The following CIBAR2 variants were observed in gnomAD, a reference collection of about 807,000 sequenced individuals.
The protein encoded by CIBAR2 is CBY1-interacting BAR domain-containing protein 2.
Under a neutral mutation model 36.2 loss-of-function variants are expected in CIBAR2, and 38 were observed. The ratio of observed to expected loss-of-function variants is 1.05; its 90% confidence interval spans 0.81 to 1.38. The LOEUF is 1.38. Ranked by LOEUF, CIBAR2 falls within the 40% of genes most tolerant of loss-of-function variation. The pLI is 0.00. For synonymous variants in CIBAR2, 182 were observed against 149.5 expected, an observed-to-expected ratio of 1.22 and a Z score of -1.58; for missense variants, 481 against 383.4, an observed-to-expected ratio of 1.25 and a Z score of -2.13.
intron 7 of CIBAR2, among the ~76,000 whole-genome samples, chr16:85,100,971 T>C (rs1425891595): frequency 8.0e-5 from 12 of 150,696 alleles, no homozygotes; most frequent in Admixed American, 7.9e-4. Flanking sequence ...GGCTTGAACC[T>C]GGGAGGCGGA....
rs2074008816 is a variant in CIBAR2, at chr16:85,107,867, T to C, written c.405A>G (p.Ser135=). 6.2e-7 allele frequency: 1 copy of C among 1,613,786 alleles called. No individual in the cohort carries two copies. The highest frequency in any genetic ancestry group is 1.3e-5 in the African/African-American group (1 of 74,906). ...LEKLEKLRQK[S]PSDQQMISQA... is the part of the protein sequence containing the mutation. ...ATACGATCATTTGCTGATCCGAGGG[T>C]GACTTCTGCCTCAGTTTCTCCAGTT... Residue 135 remains serine (S), a synonymous_variant, in exon 4 of 9, where the codon TCA becomes TCG. Transcript: ENST00000539556.
rs2073987258 is a variant in CIBAR2, at chr16:85,105,335, C to A, written c.529G>T (p.Asp177Tyr). The change falls in exon 6 of 9, where the codon GAC becomes TAC. Residue 177 changes from aspartate (D) to tyrosine (Y), a missense_variant. By Grantham distance (160) the Asp-to-Tyr change is radical (BLOSUM62 -3). Coordinates refer to ENST00000539556, the MANE Select transcript of CIBAR2 (RefSeq NM_198491.3). The stretch of plus-strand genomic sequence containing the variant: ...CGGCCAACCACCCTCACCTGCAGGT[C>A]CTTGAGCTTCTGCCTCTGGAAGCCA... ...VDGFQRQKLK[D>Y]LQKFFCDFVT... 2 of 1,611,582 alleles carry A rather than the reference C, an allele frequency of 1.2e-6. No homozygotes were observed. Among genetic ancestry groups the A allele is most frequent in the Non-Finnish European group, 1.7e-6 (2 of 1,178,702 alleles).
At chr16:85,102,793 C>T (rs148727934) in intron 6 of CIBAR2, among the ~76,000 whole-genome samples, 4 of 152,314 alleles carry the variant, frequency 2.6e-5, no homozygotes, top group East Asian at 1.9e-4. Flanking sequence ...TGTGTATTCC[C>T]GCCTTGTTTC....
intron 2 of CIBAR2, 51 bp downstream of exon 2, chr16:85,110,175 T>C (rs1315549968): frequency 2.1e-6 from 3 of 1,422,412 alleles, no homozygotes; most frequent in Non-Finnish European, 9.6e-7. Flanking sequence ...GACCTTGGCA[T>C]TGGAGCCTGG....
Position 85,105,313 on chromosome 16 carries a change from C to A in CIBAR2, c.537+14G>T. 6.3e-7 allele frequency: 1 copy of A among 1,587,540 alleles called. No homozygotes were observed. The highest frequency in any genetic ancestry group is 8.6e-7 in the Non-Finnish European group (1 of 1,159,136). On this transcript the variant is annotated intron_variant, in intron 6 of 8. Transcript: ENST00000539556. ...CAGCCCAGGGCGCCTCCCATCCCGGCCAACCACCCTCACCTGCAGGTCCTT... is the reference window on the plus strand; with the variant it reads ...CAGCCCAGGGCGCCTCCCATCCCGGACAACCACCCTCACCTGCAGGTCCTT...
At position 85,108,033 on chromosome 16, in the gene CIBAR2, G is replaced by A. The variant is rs775489646; in HGVS notation, c.322C>T (p.Arg108Trp). Reference protein sequence around the residue: ...KLYGAQIKQTRAEIKKFKHVQ... With the variant: ...KLYGAQIKQTWAEIKKFKHVQ... Reference sequence around the variant, plus strand: ...CACACCGAGGTGCCCCGGCTCACCCGTGTCTGCTTGATCTGTGCCCCGTAG... The same window carrying A: ...CACACCGAGGTGCCCCGGCTCACCCATGTCTGCTTGATCTGTGCCCCGTAG... Residue 108 changes from arginine (R) to tryptophan (W), a missense_variant and splice_region_variant, in exon 3 of 9, where the codon CGG becomes TGG. Transcript: ENST00000539556. 19 of 1,613,646 alleles carry A rather than the reference G, an allele frequency of 1.2e-5. No homozygotes were observed. Among genetic ancestry groups the A allele is most frequent in the African/African-American group, 1.1e-4 (8 of 74,912 alleles).
intron 8 of CIBAR2, among the ~76,000 whole-genome samples, chr16:85,099,785 G>A (rs934782637): frequency 7.0e-6 from 1 of 142,758 alleles, no homozygotes; most frequent in African/African-American, 2.7e-5. Context: ...CACCACACCC[G>A]GCTAATTTTT....
At chr16:85,111,892 G>C (rs1298992171) in intron 1 of CIBAR2, among the ~76,000 whole-genome samples, 1 of 152,194 alleles carries the variant, frequency 6.6e-6, no homozygotes, top group East Asian at 1.9e-4. Flanking sequence ...TTGAGAGGTT[G>C]CCTGGAATTC....
At chr16:85,109,822 G>A (rs2074026438) in intron 2 of CIBAR2, among the ~76,000 whole-genome samples, 1 of 152,134 alleles carries the variant, frequency 6.6e-6, no homozygotes, top group African/African-American at 2.4e-5. Context: ...AATTCATGGT[G>A]AGGAGTTTTC....
At chr16:85,111,127 G>A (rs1027201209) in intron 1 of CIBAR2, among the ~76,000 whole-genome samples, 3 of 151,950 alleles carry the variant, frequency 2.0e-5, no homozygotes, top group Non-Finnish European at 4.4e-5. Flanking sequence ...GCCTCCTCAC[G>A]CCCTCTCCTT....
At chr16:85,102,042 C>A (rs1165133274) in intron 7 of CIBAR2, among the ~76,000 whole-genome samples, 172 bp downstream of exon 7, 1 of 152,164 alleles carries the variant, frequency 6.6e-6, no homozygotes, top group Non-Finnish European at 1.5e-5. Flanking sequence ...AAAAATTATC[C>A]TCACTTTGGC....
At chr16:85,107,756 C>G in intron 4 of CIBAR2, 84 bp from the exon 5 acceptor site, 1 of 1,584,804 alleles carries the variant, frequency 6.3e-7, no homozygotes, top group Non-Finnish European at 8.7e-7. Context: ...CCCTGCCCAG[C>G]GGGCCCAGGC....
chr16:85,112,414 C>T lies in CIBAR2; in HGVS notation c.-62G>A, dbSNP rs578214385. ...TAAGGACAGGGCCCCAGGGGTCCTG[C>T]AGGCCTGGGAGGAGCCGGGCAGGGC... On this transcript the variant is annotated 5_prime_UTR_variant, in exon 1 of 9. Transcript: ENST00000539556. The T allele has an allele frequency of 2.8e-5, 43 of 1,542,692 alleles. 1 individual carries two copies. The South Asian group carries it at 4.7e-4, about 17-fold the overall frequency.
rs758180795 is a variant in CIBAR2, at chr16:85,110,371, C to T, written c.110G>A (p.Arg37His). 52 of 1,613,348 alleles carry T rather than the reference C, an allele frequency of 3.2e-5. No individual in the cohort carries two copies. The highest frequency in any genetic ancestry group is 4.1e-5 in the Non-Finnish European group (48 of 1,179,834). ...CTTGTCCCGCAGCCGGGCCGTCTTG[C>T]GCGTGTAGGCGGCCAGCAGCGAGCA... ...QFCSLLAAYT[R>H]KTARLRDKAD... The change falls in exon 2 of 9, where the codon CGC becomes CAC. Residue 37 changes from arginine (R) to histidine (H), a missense_variant. Transcript: ENST00000539556.
At chr16:85,109,666 C>T (rs1344768904) in intron 2 of CIBAR2, among the ~76,000 whole-genome samples, 2 of 152,090 alleles carry the variant, frequency 1.3e-5, no homozygotes, top group Non-Finnish European at 2.9e-5. Flanking sequence ...ACCACAGCTG[C>T]TTATTTATTT....
intron 1 of CIBAR2, among the ~76,000 whole-genome samples, chr16:85,111,749 C>T (rs2074044315): frequency 6.6e-6 from 1 of 152,236 alleles, no homozygotes; most frequent in Non-Finnish European, 1.5e-5. Flanking sequence ...GAGGCTGAGG[C>T]ATGAGAATCG....
At chr16:85,109,370 G>A (rs55678605) in intron 2 of CIBAR2, among the ~76,000 whole-genome samples, 29,490 of 152,104 alleles carry the variant, frequency 0.19, 3,465 homozygotes, top group African/African-American at 0.33. Flanking sequence ...GGGGACAGTT[G>A]TCATCTGTCT....
intron 6 of CIBAR2, among the ~76,000 whole-genome samples, chr16:85,103,869 C>G (rs1007307687): frequency 6.6e-6 from 1 of 152,222 alleles, no homozygotes. Context: ...CTCTGCTCCA[C>G]GACGTGATGA....
intron 3 of CIBAR2, 26 bp downstream of exon 3, chr16:85,108,005 A>G (rs768818033): frequency 1.2e-6 from 2 of 1,613,776 alleles, no homozygotes; most frequent in South Asian, 2.2e-5. Flanking sequence ...CAGGGATGCC[A>G]CCCACACCGA....
Sources: allele counts gnomAD v4.1 joint callset (sites outside exome capture counted in the v4.1 genomes callset), GRCh38; gene constraint gnomAD v4.1.1; transcripts MANE v1.5; gene names NCBI Gene and HGNC (gene_info 2026-07-23, HGNC 2026-07-21).